Variants in KIFAP3 observed in about 807,000 individuals in gnomAD.
KIFAP3 encodes kinesin-associated protein 3.
In KIFAP3, 68 loss-of-function variants were observed where a neutral mutation model predicts 106.5. The observed-to-expected ratio is 0.64, with a 90% CI of 0.53 to 0.78. The LOEUF is 0.78. KIFAP3 is among the 30% of genes least tolerant of loss of function. The probability of loss-of-function intolerance (pLI) is 0.00; values close to 1 mark genes in which losing one functional copy is unlikely to be tolerated. For missense variants in KIFAP3, 780 were observed against 941.8 expected (o/e 0.83, Z 2.25); for synonymous variants, 320 against 311.5 (o/e 1.03, Z -0.29).
At chr1:169,998,508 T>A (rs1379176910) in intron 10 of KIFAP3, among the ~76,000 whole-genome samples, 1 of 151,732 alleles carries the variant, frequency 6.6e-6, no homozygotes, top group African/African-American at 2.4e-5. Context: ...GGGACTATAA[T>A]ATTCTAACCC....
chr1:170,071,939 T>C (rs1671724773), intron 1 of KIFAP3, among the ~76,000 whole-genome samples: 1 of 152,190 alleles, frequency 6.6e-6, no homozygotes, highest in Non-Finnish European at 1.5e-5. Flanking sequence ...GCCACACACT[T>C]TTTTCATATA....
intron 10 of KIFAP3, among the ~76,000 whole-genome samples, chr1:170,011,835 T>C (rs1668257582): frequency 6.6e-6 from 1 of 152,078 alleles, no homozygotes; most frequent in African/African-American, 2.4e-5. Flanking sequence ...TAGCTTACTG[T>C]GTTAGGAGTT....
chr1:169,954,371 T>A (rs1419675373), intron 18 of KIFAP3, among the ~76,000 whole-genome samples: 1 of 152,058 alleles, frequency 6.6e-6, no homozygotes, highest in Non-Finnish European at 1.5e-5. Context: ...GGAATTAGTC[T>A]CTGCCTTCAA....
intron 19 of KIFAP3, among the ~76,000 whole-genome samples, chr1:169,950,987 G>A (rs1664698355): frequency 8.1e-6 from 1 of 122,914 alleles, no homozygotes; most frequent in Non-Finnish European, 1.7e-5. Context: ...GAGCTTAGAG[G>A]TCCTATTAAA....
intron 9 of KIFAP3, among the ~76,000 whole-genome samples, chr1:170,020,599 C>G (rs987679706): frequency 6.6e-6 from 1 of 152,254 alleles, no homozygotes; most frequent in Middle Eastern, 3.4e-3. Context: ...AGGTGCCCAC[C>G]ACCATGCCAG....
intron 10 of KIFAP3, among the ~76,000 whole-genome samples, chr1:169,993,461 A>G (rs1667203981): frequency 6.6e-6 from 1 of 151,740 alleles, no homozygotes. Context: ...GTTGTTCAGT[A>G]AGTATCTGCT....
At chr1:170,073,029 T>C (rs192433104) in intron 1 of KIFAP3, among the ~76,000 whole-genome samples, 34 of 152,330 alleles carry the variant, frequency 2.2e-4, no homozygotes, top group African/African-American at 7.9e-4. Context: ...TCAGTGTCCA[T>C]ACTGGTACGA....
intron 1 of KIFAP3, among the ~76,000 whole-genome samples, chr1:170,059,796 C>T (rs1308373805): frequency 6.6e-6 from 1 of 152,188 alleles, no homozygotes; most frequent in Non-Finnish European, 1.5e-5. Context: ...AATCCAGCAG[C>T]ACATCAAAAA....
intron 19 of KIFAP3, among the ~76,000 whole-genome samples, chr1:169,928,263 C>G (rs567689659): frequency 1.3e-5 from 2 of 151,964 alleles, no homozygotes; most frequent in Admixed American, 1.3e-4. Context: ...CCACACCCAG[C>G]TAATTTTTGT....
chr1:169,976,804 C>T (rs1177921972), intron 16 of KIFAP3, among the ~76,000 whole-genome samples: 1 of 152,154 alleles, frequency 6.6e-6, no homozygotes, highest in Admixed American at 6.5e-5. Context: ...GCAGCCTTGA[C>T]CTCTCAGGTT....
chr1:170,022,671 C>A (rs1052474716), intron 9 of KIFAP3, among the ~76,000 whole-genome samples: 5 of 152,178 alleles, frequency 3.3e-5, no homozygotes, highest in Non-Finnish European at 7.4e-5. Context: ...ATTTCTTTCA[C>A]AATAAAAGGT....
At chr1:170,005,422 G>A (rs1244803224) in intron 10 of KIFAP3, among the ~76,000 whole-genome samples, 5 of 151,958 alleles carry the variant, frequency 3.3e-5, no homozygotes, top group Non-Finnish European at 7.4e-5. Flanking sequence ...GTTTATTGCG[G>A]CACTATTCAC....
rs1348208825 is a variant in KIFAP3, at chr1:170,038,352, C to A, written c.455G>T (p.Gly152Val). The change falls in exon 5 of 20, where the codon GGT (glycine) becomes GTT (valine). Residue 152 changes from glycine (G) to valine (V), a missense_variant. Physicochemically the swap from Gly to Val is moderately radical, Grantham distance 109. Transcript: ENST00000361580. ...LYEDIPDKVR[G>V]SALILQLARN... The stretch of plus-strand genomic sequence containing the variant: ...AGCAAGCTGCAGGATCAAAGCAGAA[C>A]CCCGAACTTTGTCAGGAATATCTTC... The A allele has an allele frequency of 6.2e-7, 1 of 1,610,060 alleles. No homozygotes were observed.
intron 10 of KIFAP3, among the ~76,000 whole-genome samples, chr1:170,012,933 CT>C (rs1013443886): frequency 1.3e-5 from 2 of 152,070 alleles, no homozygotes; most frequent in African/African-American, 4.8e-5. Flanking sequence ...GAAAATGCCC[CT>C]ATGATTCAAT....
At chr1:169,923,225 T>A (rs915746797) in intron 19 of KIFAP3, 1 of 262,514 alleles carries the variant, frequency 3.8e-6, no homozygotes, top group Non-Finnish European at 5.9e-6. Context: ...AATTTTTAAG[T>A]CTACATTTTA....
intron 5 of KIFAP3, among the ~76,000 whole-genome samples, chr1:170,038,060 T>C (rs1022437157): frequency 6.6e-5 from 10 of 152,208 alleles, no homozygotes; most frequent in Non-Finnish European, 1.2e-4. Context: ...ATAAAAAAGC[T>C]TCCCAGAGTA....
chr1:170,067,099 T>C (rs1345517021), intron 1 of KIFAP3, among the ~76,000 whole-genome samples: 1 of 151,646 alleles, frequency 6.6e-6, no homozygotes, highest in Non-Finnish European at 1.5e-5. Context: ...TAGATACGGG[T>C]AAGGAGATAA....
intron 19 of KIFAP3, among the ~76,000 whole-genome samples, chr1:169,943,262 C>A (rs1012352054): frequency 6.6e-6 from 1 of 151,964 alleles, no homozygotes; most frequent in South Asian, 2.1e-4. Flanking sequence ...ATTTGAAAAC[C>A]TGTAGGCCCT....
rs190026554 is a variant in KIFAP3 at position 169,986,761 on chromosome 1, G to A, written c.1285-2071C>T. Among the ~76,000 whole-genome samples, 760 of 151,896 alleles carry A rather than the reference G, an allele frequency of 5.0e-3. 13 individuals carry two copies. Among genetic ancestry groups the A allele is most frequent in the Admixed American group, 0.014 (220 of 15,214 alleles). Reference sequence around the variant, plus strand: ...CAATCTGAGAATCGGTTACATTGAAGCAATGTTTCAAGCAAAGTATTTATT... The same window carrying A: ...CAATCTGAGAATCGGTTACATTGAAACAATGTTTCAAGCAAAGTATTTATT... On this transcript the variant is annotated intron_variant, in intron 11 of 19. Coordinates refer to ENST00000361580, the MANE Select transcript of KIFAP3 (RefSeq NM_014970.4).
Sources: gnomAD v4.1 joint callset for allele counts (sites outside exome capture counted in the v4.1 genomes callset) on GRCh38, gnomAD v4.1.1 for gene constraint, MANE v1.5 for transcripts, NCBI Gene and HGNC (gene_info 2026-07-23, HGNC 2026-07-21) for gene names.